Variants in KYNU observed in about 807,000 individuals in gnomAD.
The protein encoded by KYNU is L-kynurenine hydrolase.
A neutral mutation model predicts 59.2 loss-of-function variants in KYNU; 54 were observed. The ratio of observed to expected loss-of-function variants is 0.91; its 90% CI spans 0.73 to 1.14. KYNU has a LOEUF of 1.14. Among genes scored for constraint, KYNU ranks in the 50% most tolerant of loss-of-function variants. KYNU has a pLI of 0.00. For missense variants in KYNU, 567 were observed against 554.4 expected, an observed-to-expected ratio of 1.02 and a Z score of -0.23; for synonymous variants, 177 against 192.0, an observed-to-expected ratio of 0.92 and a Z score of 0.65.
chr2:142,949,471 G>C (rs548840315), intron 4 of KYNU, among the ~76,000 whole-genome samples: 8 of 152,322 alleles, frequency 5.3e-5, no homozygotes, highest in African/African-American at 1.9e-4. Context: ...TCTAGGCAGA[G>C]GTGCCCAAAC....
In KYNU at chr2:142,985,954, A is replaced by T; in HGVS notation, c.835A>T (p.Asn279Tyr). 1.2e-6 allele frequency: 2 copies of T among 1,605,398 alleles called. No individual in the cohort carries two copies. Among genetic ancestry groups the T allele is most frequent in the East Asian group, 4.5e-5 (2 of 44,676 alleles). Reference sequence around the variant, plus strand: ...TAATTTATTTTCAATCTAGTATTTAAATGCAGGAGCAGGAGGAATTGCTGG... The same window carrying T: ...TAATTTATTTTCAATCTAGTATTTATATGCAGGAGCAGGAGGAATTGCTGG... ...FACWCSYKYL[N>Y]AGAGGIAGAF... The change falls in exon 10 of 14, where the codon AAT becomes TAT. Residue 279 changes from asparagine (N) to tyrosine (Y), a missense_variant. Transcript: ENST00000264170.
At chr2:143,033,381 A>G (rs1686812617) in intron 12 of KYNU, 60 bp downstream of exon 12, 2 of 1,175,680 alleles carry the variant, frequency 1.7e-6, no homozygotes, top group African/African-American at 1.5e-5. Flanking sequence ...TCTGTTTGTG[A>G]CAATTCATAG....
chr2:143,024,273 TAC>T (rs1686491136), intron 10 of KYNU, among the ~76,000 whole-genome samples: 1 of 152,006 alleles, frequency 6.6e-6, no homozygotes, highest in Non-Finnish European at 1.5e-5. Context: ...TGTTTATTTT[TAC>T]ACTTTCACAT....
chr2:142,936,604 C>G (rs1436060437), intron 4 of KYNU, among the ~76,000 whole-genome samples: 1 of 152,174 alleles, frequency 6.6e-6, no homozygotes, highest in African/African-American at 2.4e-5. Flanking sequence ...GAGGTGTCCC[C>G]TAAGAACAGA....
intron 8 of KYNU, among the ~76,000 whole-genome samples, chr2:142,975,457 G>C (rs1003064234): frequency 1.3e-5 from 2 of 152,162 alleles, no homozygotes; most frequent in Admixed American, 6.6e-5. Flanking sequence ...GGTGCCAAGA[G>C]GGCAAGTTGT....
rs192343521 is a variant in KYNU at position 142,946,505 on chromosome 2, G to A, written c.374-8305G>A. Among the ~76,000 whole-genome samples the A allele has an allele frequency of 4.6e-5, 7 of 152,256 alleles. No individual in the cohort carries two copies. The East Asian group carries it at 5.8e-4, about 13-fold the overall frequency. The stretch of plus-strand genomic sequence containing the variant: ...TACATCTCCATCAGAGCTCTTGGGC[G>A]ACTATGTGCATTGTCAATAAGCACT... On this transcript the variant is annotated intron_variant, in intron 4 of 13. Coordinates refer to ENST00000264170, the MANE Select transcript of KYNU (RefSeq NM_003937.3).
rs556733586 is a variant in KYNU at position 143,051,101 on chromosome 2, G to T, written c.*8929G>T. On this transcript the variant is annotated 3_prime_UTR_variant, in exon 14 of 14. Coordinates refer to ENST00000264170, the MANE Select transcript of KYNU (RefSeq NM_003937.3). ...TAACACAATAATAATGGAGGTCATTGTGAAGTAGTGGATGTAAATAGATCT... is the reference window on the plus strand; with the variant it reads ...TAACACAATAATAATGGAGGTCATTTTGAAGTAGTGGATGTAAATAGATCT... 6.6e-6 allele frequency: 1 copy of T among 152,318 alleles called. No individual in the cohort carries two copies. Among genetic ancestry groups the T allele is most frequent in the East Asian group, 1.9e-4 (1 of 5,188 alleles). The allele number at this position is 152,318 out of a possible 1,614,324, so 9.4% of individuals were successfully genotyped here.
chr2:143,010,260 A>C (rs1686049105), intron 10 of KYNU, among the ~76,000 whole-genome samples: 1 of 76,906 alleles, frequency 1.3e-5, no homozygotes, highest in Non-Finnish European at 2.3e-5. Flanking sequence ...ATTCTTATAC[A>C]CCAACAACAG....
intron 10 of KYNU, chr2:142,988,784 C>G: frequency 8.4e-7 from 1 of 1,193,810 alleles, no homozygotes; most frequent in South Asian, 1.2e-5. Flanking sequence ...GTGCTGTCAA[C>G]TTCTAGCCTT....
At chr2:142,899,028 G>C (rs1485622148) in intron 2 of KYNU, among the ~76,000 whole-genome samples, 1 of 152,124 alleles carries the variant, frequency 6.6e-6, no homozygotes, top group African/African-American at 2.4e-5. Context: ...GTCAATGGTG[G>C]GTCTGAGATG....
chr2:142,986,586 A>G (rs1685208286), intron 10 of KYNU, among the ~76,000 whole-genome samples: 1 of 151,956 alleles, frequency 6.6e-6, no homozygotes, highest in Non-Finnish European at 1.5e-5. Flanking sequence ...AGAACTCTTC[A>G]TATTTTAGAG....
chr2:142,963,904 C>T (rs1467358371), intron 8 of KYNU, among the ~76,000 whole-genome samples: 1 of 152,156 alleles, frequency 6.6e-6, no homozygotes, highest in Non-Finnish European at 1.5e-5. Context: ...TGCTTGAACA[C>T]ACCAAATCTG....
rs137909951 is a variant in KYNU at position 142,968,041 on chromosome 2, A to C, written c.729+7271A>C. On this transcript the variant is annotated intron_variant, in intron 8 of 13. Coordinates refer to ENST00000264170, the MANE Select transcript of KYNU (RefSeq NM_003937.3). ...AAGTCATCTTTACCAGAAATTGTTG[A>C]CATTAGAGACATTTTGCTATTGTCA... is the stretch of plus-strand genomic sequence containing the variant. 2.6e-3 allele frequency among the ~76,000 whole-genome samples: 395 copies of C among 152,314 alleles called. 2 individuals carry two copies. Among genetic ancestry groups the C allele is most frequent in the African/African-American group, 9.1e-3 (380 of 41,578 alleles).
At chr2:142,955,395 C>T (rs1368289516) in intron 5 of KYNU, among the ~76,000 whole-genome samples, 3 of 151,984 alleles carry the variant, frequency 2.0e-5, no homozygotes, top group African/African-American at 7.2e-5. Context: ...AATCTATTAT[C>T]TATTAGGGAT....
At chr2:142,955,058 T>G (rs975537025) in intron 5 of KYNU, among the ~76,000 whole-genome samples, 187 bp downstream of exon 5, 2 of 152,048 alleles carry the variant, frequency 1.3e-5, no homozygotes, top group African/African-American at 4.8e-5. Flanking sequence ...AAGAGTTGAC[T>G]CTTGAGAAGA....
At chr2:142,895,102 T>C (rs950543649) in intron 2 of KYNU, among the ~76,000 whole-genome samples, 5 of 152,210 alleles carry the variant, frequency 3.3e-5, no homozygotes, top group African/African-American at 1.2e-4. Context: ...ATGAAATAAC[T>C]TGTTCATCAG....
Position 143,020,509 on chromosome 2 carries a change from A to G in KYNU, c.903-9118A>G, listed in dbSNP as rs76496706. Among the ~76,000 whole-genome samples the G allele has an allele frequency of 6.6e-5, 10 of 152,284 alleles. No homozygotes were observed. In the East Asian group the frequency reaches 1.9e-3, roughly 29 times the overall value. On this transcript the variant is annotated intron_variant, in intron 10 of 13. Coordinates refer to ENST00000264170, the MANE Select transcript of KYNU (RefSeq NM_003937.3). ...AGAAAAGATACTTGATATGACTGCAACATTTTAAAAGTTGTTGAGAATTGT... is the reference window on the plus strand; with the variant it reads ...AGAAAAGATACTTGATATGACTGCAGCATTTTAAAAGTTGTTGAGAATTGT...
chr2:142,887,488 G>C (rs1366776318), intron 2 of KYNU, among the ~76,000 whole-genome samples: 1 of 152,040 alleles, frequency 6.6e-6, no homozygotes, highest in Non-Finnish European at 1.5e-5. Flanking sequence ...ATCCCCAAAA[G>C]ATATTAGTAC....
chr2:143,002,748 C>G (rs904643716), intron 10 of KYNU, among the ~76,000 whole-genome samples: 1 of 152,142 alleles, frequency 6.6e-6, no homozygotes, highest in African/African-American at 2.4e-5. Context: ...CTCACAGCCA[C>G]TGTTTGCATC....
Sources: gnomAD v4.1 joint callset for allele counts (sites outside exome capture counted in the v4.1 genomes callset) on GRCh38, gnomAD v4.1.1 for gene constraint, MANE v1.5 for transcripts, NCBI Gene and HGNC (gene_info 2026-07-23, HGNC 2026-07-21) for gene names.